LARGE1: variants seen among roughly 807,000 people sequenced by gnomAD.
The protein encoded by LARGE1 is LARGE xylosyl- and glucuronyltransferase 1.
Under a neutral mutation model 87.6 loss-of-function variants are expected in LARGE1, and 43 were observed. That is an observed-to-expected ratio of 0.49 (90% CI 0.38 to 0.63). LARGE1 has a LOEUF of 0.63. Among genes scored for constraint, LARGE1 ranks in the 30% least tolerant of loss-of-function variants. The probability of loss-of-function intolerance (pLI) is 0.00; values close to 1 mark genes in which losing one functional copy is unlikely to be tolerated. For missense variants in LARGE1, 802 were observed against 1,000.2 expected (o/e 0.80, Z 2.67); for synonymous variants, 434 against 394.6 (o/e 1.10, Z -1.18).
intron 1 of LARGE1, among the ~76,000 whole-genome samples, chr22:33,844,633 G>T (rs1032877022): frequency 6.6e-6 from 1 of 152,048 alleles, no homozygotes; most frequent in African/African-American, 2.4e-5. Context: ...GGGGATTGGC[G>T]ACTTGCCTAC....
At chr22:33,315,809 T>C (rs1601414550) in intron 11 of LARGE1, among the ~76,000 whole-genome samples, 3 of 152,094 alleles carry the variant, frequency 2.0e-5, no homozygotes, top group Admixed American at 2.0e-4. Context: ...TTCGTATTTT[T>C]AGTAGAGACG....
At chr22:33,657,682 T>G (rs1378236639) in intron 2 of LARGE1, among the ~76,000 whole-genome samples, 1 of 152,058 alleles carries the variant, frequency 6.6e-6, no homozygotes, top group Non-Finnish European at 1.5e-5. Context: ...CCCCTGCCTC[T>G]GATTTCTCCC....
At chr22:33,564,730 A>C (rs750024850) in intron 6 of LARGE1, 118 bp downstream of exon 6, 10 of 977,390 alleles carry the variant, frequency 1.0e-5, no homozygotes, top group Non-Finnish European at 1.6e-5. Flanking sequence ...TTCCTCACCC[A>C]CTGCATTAGC....
downstream of LARGE1, among the ~76,000 whole-genome samples, chr22:33,268,184 C>T (rs1313752511): frequency 2.6e-5 from 4 of 151,282 alleles, no homozygotes; most frequent in Non-Finnish European, 4.4e-5. Flanking sequence ...GAACACCTGG[C>T]CTCAAGTGAT....
intron 4 of LARGE1, among the ~76,000 whole-genome samples, chr22:33,623,807 G>A (rs937572375): frequency 1.3e-5 from 2 of 151,992 alleles, no homozygotes; most frequent in Non-Finnish European, 2.9e-5. Context: ...AAGGTGGGTG[G>A]ATCACCTGAG....
rs56832457 is a variant in LARGE1 at position 33,762,213 on chromosome 22, C to CA, written c.-82-656dup. 4.5e-3 allele frequency among the ~76,000 whole-genome samples: 377 copies of CA among 84,450 alleles called. 45 individuals are homozygous for CA. The highest frequency in any genetic ancestry group is 0.013 in the African/African-American group (255 of 19,568). The allele number at this position is 84,450 out of a possible 152,430, so 55.4% of individuals were successfully genotyped here. ...AGGGAGACAGAGCGAGATTCTATCT[C>CA]AAAAAAAAAAAAAAAAAAAAAAAAA... On this transcript the variant is annotated intron_variant, in intron 1 of 14. Transcript: ENST00000397394.
At chr22:33,627,541 G>A (rs1373023634) in intron 3 of LARGE1, among the ~76,000 whole-genome samples, 1 of 152,174 alleles carries the variant, frequency 6.6e-6, no homozygotes, top group African/African-American at 2.4e-5. Flanking sequence ...CAGAGCCCTT[G>A]CTCCCATGAC....
chr22:33,697,621 G>A (rs1388422025), intron 2 of LARGE1, among the ~76,000 whole-genome samples: 1 of 144,956 alleles, frequency 6.9e-6, no homozygotes, highest in Non-Finnish European at 1.5e-5. Flanking sequence ...GTCTGTAACT[G>A]AACTCTAATG....
chr22:33,840,903 G>A (rs555088146), intron 1 of LARGE1, among the ~76,000 whole-genome samples: 11 of 152,316 alleles, frequency 7.2e-5, no homozygotes, highest in Admixed American at 3.3e-4. Flanking sequence ...GATTACAGGC[G>A]TGAGCCACTG....
rs144635876 is a variant in LARGE1, at chr22:33,534,850, C to T, written c.787+29998G>A. On this transcript the variant is annotated intron_variant, in intron 6 of 14. Coordinates refer to ENST00000397394, the MANE Select transcript of LARGE1 (RefSeq NM_133642.5). Reference sequence around the variant, plus strand: ...CCCTCTGGACTCAGTCTTCCCATGGCGCTCCATCTGTAAAACCCCCAAAAG... The same window carrying T: ...CCCTCTGGACTCAGTCTTCCCATGGTGCTCCATCTGTAAAACCCCCAAAAG... Among the ~76,000 whole-genome samples, 774 of 152,278 alleles carry T rather than the reference C, an allele frequency of 5.1e-3. 4 individuals carry two copies. The highest frequency in any genetic ancestry group is 0.011 in the South Asian group (51 of 4,818).
chr22:33,472,786 G>A (rs2068901209), intron 6 of LARGE1, among the ~76,000 whole-genome samples: 1 of 152,194 alleles, frequency 6.6e-6, no homozygotes, highest in African/African-American at 2.4e-5. Flanking sequence ...TAAATTGAGG[G>A]AAGATCGTAC....
intron 6 of LARGE1, among the ~76,000 whole-genome samples, chr22:33,527,124 C>T (rs544658401): frequency 5.3e-5 from 8 of 152,252 alleles, no homozygotes; most frequent in African/African-American, 1.7e-4. Flanking sequence ...GGCATGGTGG[C>T]GCATGCCTCT....
At chr22:33,098,595 TG>T in the LARGE1 span, among the ~76,000 whole-genome samples, 2 of 152,210 alleles carry the variant, frequency 1.3e-5, no homozygotes, top group African/African-American at 4.8e-5. Flanking sequence ...CACTCCAGCC[TG>T]GGCTACAGAG....
intron 3 of LARGE1, among the ~76,000 whole-genome samples, chr22:33,630,420 C>T (rs1330495684): frequency 2.6e-5 from 4 of 152,168 alleles, no homozygotes; most frequent in Non-Finnish European, 5.9e-5. Flanking sequence ...AGTCCACTTA[C>T]ACAACCTTAG....
At position 33,920,071 on chromosome 22, in the gene LARGE1, G is replaced by T. The variant is rs987346044; in HGVS notation, c.-159C>A. ...GCGGCGGCGCCGCCGCCTACGAGGC[G>T]CAGGGGGTCCGGGTCAGGGTCCCGG... On this transcript the variant is annotated 5_prime_UTR_variant, in exon 1 of 15. It introduces an in-frame stop codon into an upstream open reading frame of the 5' UTR. Transcript: ENST00000397394. 2.0e-5 allele frequency: 3 copies of T among 152,348 alleles called. No individual in the cohort carries two copies. The highest frequency in any genetic ancestry group is 1.9e-4 in the East Asian group (1 of 5,150). The allele number at this position is 152,348 out of a possible 1,614,324, so 9.4% of individuals were successfully genotyped here. A position where few individuals can be genotyped will look rare whatever the true frequency, so the allele number is the denominator to read the frequency against.
chr22:33,176,613 C>T (rs1336952333), intron 11 of LARGE1, among the ~76,000 whole-genome samples: 3 of 152,054 alleles, frequency 2.0e-5, no homozygotes, highest in African/African-American at 7.2e-5. Context: ...TGAGATACCA[C>T]CTCACTCCAG....
At chr22:33,892,179 T>A (rs1035040238) in intron 1 of LARGE1, among the ~76,000 whole-genome samples, 4 of 152,130 alleles carry the variant, frequency 2.6e-5, no homozygotes, top group African/African-American at 4.8e-5. Flanking sequence ...TAATGAGCCA[T>A]CCCAAAACCA....
intron 11 of LARGE1, among the ~76,000 whole-genome samples, chr22:33,226,903 G>C (rs1925767513): frequency 1.3e-5 from 2 of 151,964 alleles, no homozygotes; most frequent in Admixed American, 6.6e-5. Context: ...CTAATTTTTT[G>C]TATTTTTAGT....
At chr22:33,831,031 G>A (rs527249598) in intron 1 of LARGE1, among the ~76,000 whole-genome samples, 5 of 152,138 alleles carry the variant, frequency 3.3e-5, no homozygotes, top group Non-Finnish European at 7.4e-5. Flanking sequence ...CCACAGCAAT[G>A]TAGACGACAA....
Sources: gnomAD v4.1 joint callset for allele counts (sites outside exome capture counted in the v4.1 genomes callset) on GRCh38, gnomAD v4.1.1 for gene constraint, MANE v1.5 for transcripts, NCBI Gene and HGNC (gene_info 2026-07-23, HGNC 2026-07-21) for gene names.